MSI2: variants seen among roughly 807,000 people sequenced by gnomAD.
MSI2 encodes RNA-binding protein Musashi homolog 2.
Under a neutral mutation model 45.6 loss-of-function variants are expected in MSI2, and 17 were observed. The observed-to-expected ratio is 0.37, with a 90% CI of 0.26 to 0.56. MSI2 has a LOEUF of 0.56. Among genes scored for constraint, MSI2 ranks in the 20% least tolerant of loss-of-function variants. The pLI is 0.77. For missense variants in MSI2, 293 were observed against 444.2 expected (o/e 0.66, Z 3.06); for synonymous variants, 156 against 158.2 (o/e 0.99, Z 0.11).
intron 7 of MSI2, among the ~76,000 whole-genome samples, chr17:57,564,227 A>G (rs1443579931): frequency 6.6e-6 from 1 of 152,146 alleles, no homozygotes; most frequent in East Asian, 1.9e-4. Context: ...ATTGCCCAGG[A>G]GCTAACATAT....
At chr17:57,644,997 G>A (rs972052531) in intron 10 of MSI2, among the ~76,000 whole-genome samples, 1 of 152,164 alleles carries the variant, frequency 6.6e-6, no homozygotes, top group Non-Finnish European at 1.5e-5. Flanking sequence ...AAGAAGGGGA[G>A]AGGAGGCAAA....
intron 7 of MSI2, among the ~76,000 whole-genome samples, chr17:57,581,747 C>A (rs1317882141): frequency 2.0e-5 from 3 of 152,170 alleles, no homozygotes; most frequent in Non-Finnish European, 2.9e-5. Flanking sequence ...GAAATTGAAC[C>A]AAATGCTCCT....
intron 5 of MSI2, among the ~76,000 whole-genome samples, chr17:57,284,036 C>T (rs1382850781): frequency 1.3e-5 from 2 of 152,224 alleles, no homozygotes; most frequent in Non-Finnish European, 2.9e-5. Context: ...GTGGCCTCCT[C>T]TCAACAGGGA....
chr17:57,287,758 C>A (rs533393265), intron 5 of MSI2, among the ~76,000 whole-genome samples: 1 of 152,220 alleles, frequency 6.6e-6, no homozygotes, highest in Non-Finnish European at 1.5e-5. Flanking sequence ...CTGCCTAGAG[C>A]GGAGCAGGAT....
chr17:57,378,984 G>T (rs2083550636), intron 5 of MSI2, among the ~76,000 whole-genome samples: 2 of 152,126 alleles, frequency 1.3e-5, no homozygotes, highest in Non-Finnish European at 2.9e-5. Context: ...CAGCCTGCGT[G>T]TGGGGTCTGC....
At chr17:57,275,169 A>G (rs1398667297) in intron 5 of MSI2, among the ~76,000 whole-genome samples, 1 of 152,216 alleles carries the variant, frequency 6.6e-6, no homozygotes, top group Admixed American at 6.5e-5. Flanking sequence ...GGGCTGTTTT[A>G]GCAACTTCAT....
At chr17:57,343,928 G>A (rs944880074) in intron 5 of MSI2, among the ~76,000 whole-genome samples, 10 of 152,196 alleles carry the variant, frequency 6.6e-5, no homozygotes, top group African/African-American at 2.4e-4. Flanking sequence ...GTGTTTTTGT[G>A]TCCTTCTCAG....
intron 5 of MSI2, among the ~76,000 whole-genome samples, chr17:57,355,281 A>G (rs868425237): frequency 5.3e-5 from 8 of 152,210 alleles, no homozygotes; most frequent in Admixed American, 2.6e-4. Flanking sequence ...GGCAGCTCCC[A>G]TGGAAATAGT....
intron 7 of MSI2, among the ~76,000 whole-genome samples, chr17:57,588,150 A>C (rs564593027): frequency 6.6e-6 from 1 of 152,210 alleles, no homozygotes; most frequent in African/African-American, 2.4e-5. Flanking sequence ...GGGCTGTGCT[A>C]AGAGGGCATG....
intron 5 of MSI2, among the ~76,000 whole-genome samples, chr17:57,282,853 G>A (rs543209406): frequency 9.5e-5 from 1 of 10,490 alleles, no homozygotes; most frequent in Admixed American, 1.2e-3. Context: ...TTTTTTCAGG[G>A]AACTCTGTCT....
At chr17:57,406,229 T>C (rs1213584007) in intron 6 of MSI2, among the ~76,000 whole-genome samples, 1 of 152,146 alleles carries the variant, frequency 6.6e-6, no homozygotes, top group Non-Finnish European at 1.5e-5. Context: ...GCTCCAGATA[T>C]GCCCGTGTAG....
intron 5 of MSI2, among the ~76,000 whole-genome samples, chr17:57,283,219 A>G (rs1321765555): frequency 6.6e-6 from 1 of 152,028 alleles, no homozygotes; most frequent in African/African-American, 2.4e-5. Flanking sequence ...AGAAAATGCC[A>G]TTTCACTAAG....
rs1005463562 is a variant in MSI2 at position 57,267,108 on chromosome 17, C to T, written c.312+4916C>T. 8.5e-5 allele frequency: 13 copies of T among 152,316 alleles called. No homozygotes were observed. In the East Asian group the frequency reaches 2.3e-3, roughly 27 times the overall value. The allele number at this position is 152,316 out of a possible 1,614,324, so 9.4% of individuals were successfully genotyped here. On this transcript the variant is annotated intron_variant, in intron 5 of 13. Transcript: ENST00000284073. ...CCTTGCTGCTGTGGGTCGGGTCATT[C>T]TAGCATCTTGCCATCTTGGATGATC... is the stretch of plus-strand genomic sequence containing the variant.
At chr17:57,673,706 AT>A in intron 11 of MSI2, among the ~76,000 whole-genome samples, 1 of 146,862 alleles carries the variant, frequency 6.8e-6, no homozygotes, top group East Asian at 1.9e-4. Flanking sequence ...GGTCAGAATG[AT>A]GGGATTGGGG....
chr17:57,400,550 A>G (rs918477046), intron 5 of MSI2, among the ~76,000 whole-genome samples: 1 of 152,168 alleles, frequency 6.6e-6, no homozygotes, highest in African/African-American at 2.4e-5. Flanking sequence ...TGGAGGAGGA[A>G]GTAACTTCAC....
chr17:57,426,269 G>A (rs1002815230), intron 6 of MSI2, among the ~76,000 whole-genome samples: 3 of 152,224 alleles, frequency 2.0e-5, no homozygotes, highest in Non-Finnish European at 2.9e-5. Flanking sequence ...GGATATAGCT[G>A]AAGACAAATA....
rs376850499 is a variant in MSI2, at chr17:57,618,640, TTCAAGCAATTC to T, written c.652+2559_652+2569del. On this transcript the variant is annotated intron_variant, in intron 9 of 13. Transcript: ENST00000284073. ...CTCACTGCAACCTCCGCCTCCTGGG[TTCAAGCAATTC>T]TCCTGCCTCAGCCTCCCGAGTAGCT... 1.3e-3 allele frequency among the ~76,000 whole-genome samples: 195 copies of T among 152,166 alleles called. 1 individual carries two copies. Among genetic ancestry groups the T allele is most frequent in the African/African-American group, 4.6e-3 (191 of 41,530 alleles).
At chr17:57,500,382 T>A (rs1034661800) in intron 6 of MSI2, among the ~76,000 whole-genome samples, 13 of 150,788 alleles carry the variant, frequency 8.6e-5, no homozygotes, top group Admixed American at 8.6e-4. Context: ...CGCCACCATA[T>A]GAAATGAGTT....
intron 5 of MSI2, among the ~76,000 whole-genome samples, chr17:57,323,114 G>A (rs183519947): frequency 3.1e-4 from 47 of 152,162 alleles, no homozygotes; most frequent in African/African-American, 1.1e-3. Context: ...AGTTTGCAAA[G>A]GTCAGAAGCC....
Sources: gnomAD v4.1 joint callset for allele counts (sites outside exome capture counted in the v4.1 genomes callset) on GRCh38, gnomAD v4.1.1 for gene constraint, MANE v1.5 for transcripts, NCBI Gene and HGNC (gene_info 2026-07-23, HGNC 2026-07-21) for gene names.